SGCZ: variants seen among roughly 807,000 people sequenced by gnomAD.
SGCZ encodes the protein sarcoglycan zeta.
SGCZ carries 40 observed loss-of-function variants against 41.3 expected under a neutral mutation model. The ratio of observed to expected loss-of-function variants is 0.97; its 90% confidence interval spans 0.75 to 1.26. The LOEUF (loss-of-function observed/expected upper bound fraction) is 1.26, where lower values mean the gene tolerates loss of function less well. Among genes scored for constraint, SGCZ ranks in the 50% most tolerant of loss-of-function variants. The pLI, the probability that SGCZ is intolerant of heterozygous loss-of-function variation, is 0.00. For missense variants in SGCZ, 552 were observed against 369.8 expected (o/e 1.49, Z -4.04); for synonymous variants, 206 against 137.5 (o/e 1.50, Z -3.49).
intron 1 of SGCZ, among the ~76,000 whole-genome samples, chr8:14,777,416 T>C (rs1800439826): frequency 6.6e-6 from 1 of 152,202 alleles, no homozygotes; most frequent in Non-Finnish European, 1.5e-5. Context: ...TGATTTTAAA[T>C]GATTAACGCA....
At chr8:14,298,174 C>T (rs555354666) in intron 3 of SGCZ, among the ~76,000 whole-genome samples, 62 of 151,948 alleles carry the variant, frequency 4.1e-4, no homozygotes, top group Non-Finnish European at 8.0e-4. Context: ...ATGATAAATA[C>T]TTTCCGTTCA....
In SGCZ at chr8:15,163,220, G is replaced by A. The variant is rs150167738; in HGVS notation, c.39+74365C>T. Among the ~76,000 whole-genome samples the A allele has an allele frequency of 1.9e-3, 289 of 152,098 alleles. 1 individual carries two copies. Among genetic ancestry groups the A allele is most frequent in the African/African-American group, 6.5e-3 (271 of 41,468 alleles). ...ACTTATATAACATTTATCATGTGTCGGCCACCGTTTTAAACACTTTACAAG... is the reference window on the plus strand; with the variant it reads ...ACTTATATAACATTTATCATGTGTCAGCCACCGTTTTAAACACTTTACAAG... On this transcript the variant is annotated intron_variant, in intron 1 of 7. Transcript: ENST00000382080.
At chr8:14,344,287 T>C (rs2117086908) in intron 2 of SGCZ, among the ~76,000 whole-genome samples, 1 of 151,596 alleles carries the variant, frequency 6.6e-6, no homozygotes, top group Non-Finnish European at 1.5e-5. Flanking sequence ...ATTTAACAAA[T>C]AACTATCCAG....
intron 1 of SGCZ, among the ~76,000 whole-genome samples, chr8:14,924,676 G>A (rs530249926): frequency 7.5e-4 from 114 of 152,056 alleles, no homozygotes; most frequent in African/African-American, 2.7e-3. Flanking sequence ...CTATAAAAAT[G>A]AATTTCAGAA....
chr8:14,104,737 G>T (rs1200781274), intron 6 of SGCZ, among the ~76,000 whole-genome samples: 4 of 151,768 alleles, frequency 2.6e-5, no homozygotes, highest in African/African-American at 4.9e-5. Context: ...TATTAATGAT[G>T]TGTATTTATT....
rs1212698848 is a variant in SGCZ, at chr8:14,088,895, ACT to A, written c.*1546_*1547del. ...AGCTGTAGACACCTGAACTCCAAAG[ACT>A]CTACAGCCATTAATCCCCAAAAGGA... On this transcript the variant is annotated 3_prime_UTR_variant, in exon 8 of 8. Transcript: ENST00000382080. 7.2e-5 allele frequency among the ~76,000 whole-genome samples: 11 copies of A among 151,980 alleles called. No individual in the cohort carries two copies. In the South Asian group the frequency reaches 2.3e-3, roughly 31 times the overall value.
chr8:15,183,050 G>A (rs1057116766), intron 1 of SGCZ, among the ~76,000 whole-genome samples: 4 of 152,158 alleles, frequency 2.6e-5, no homozygotes, highest in African/African-American at 9.7e-5. Flanking sequence ...TTGTCCCACT[G>A]GAAACCCTTC....
At chr8:15,092,459 TAAC>T in intron 1 of SGCZ, among the ~76,000 whole-genome samples, 1 of 152,322 alleles carries the variant, frequency 6.6e-6, no homozygotes, top group Non-Finnish European at 1.5e-5. Flanking sequence ...GGAAAAATTT[TAAC>T]AACAGCTAGC....
chr8:14,442,079 G>A (rs1800287798), intron 2 of SGCZ, among the ~76,000 whole-genome samples: 1 of 152,136 alleles, frequency 6.6e-6, no homozygotes, highest in Non-Finnish European at 1.5e-5. Flanking sequence ...ACAAATTGCT[G>A]ACTTCATGCT....
chr8:15,007,084 G>A (rs530939414), intron 1 of SGCZ, among the ~76,000 whole-genome samples: 1 of 152,260 alleles, frequency 6.6e-6, no homozygotes, highest in East Asian at 1.9e-4. Context: ...AAAATTGAAG[G>A]ACTGAGTGAA....
chr8:14,556,276 A>T (rs925685913), intron 1 of SGCZ, among the ~76,000 whole-genome samples: 1 of 151,746 alleles, frequency 6.6e-6, no homozygotes, highest in African/African-American at 2.4e-5. Flanking sequence ...TTTTATACTT[A>T]TTAAATGACG....
chr8:14,261,117 C>T (rs868697273), intron 3 of SGCZ, among the ~76,000 whole-genome samples: 1 of 151,658 alleles, frequency 6.6e-6, no homozygotes, highest in Non-Finnish European at 1.5e-5. Context: ...AAAAAGAAAA[C>T]AAAAACACAT....
intron 1 of SGCZ, among the ~76,000 whole-genome samples, chr8:14,621,094 G>C (rs1253451945): frequency 1.3e-5 from 2 of 152,004 alleles, no homozygotes; most frequent in East Asian, 1.9e-4. Context: ...ATACACCATG[G>C]AATACTATGC....
intron 1 of SGCZ, among the ~76,000 whole-genome samples, chr8:14,928,308 C>T (rs761396146): frequency 4.6e-5 from 7 of 152,160 alleles, no homozygotes; most frequent in African/African-American, 9.7e-5. Context: ...TCATACTCAA[C>T]GTCAAATATG....
chr8:14,876,316 T>G (rs1244227653), intron 1 of SGCZ, among the ~76,000 whole-genome samples: 1 of 152,092 alleles, frequency 6.6e-6, no homozygotes, highest in Admixed American at 6.6e-5. Context: ...GAAAACAACA[T>G]AGCATTACAA....
chr8:14,470,232 T>C (rs763154675), intron 2 of SGCZ, among the ~76,000 whole-genome samples: 4 of 152,136 alleles, frequency 2.6e-5, no homozygotes, highest in Admixed American at 1.3e-4. Context: ...AATTTTTGTG[T>C]AAGAAAATAG....
At chr8:15,028,258 C>T (rs552168710) in intron 1 of SGCZ, among the ~76,000 whole-genome samples, 28 of 152,244 alleles carry the variant, frequency 1.8e-4, no homozygotes, top group African/African-American at 6.0e-4. Flanking sequence ...ATAGCAATTC[C>T]GTAGCTTTCG....
chr8:14,791,854 C>T (rs549325134), intron 1 of SGCZ, among the ~76,000 whole-genome samples: 19 of 152,288 alleles, frequency 1.2e-4, no homozygotes, highest in African/African-American at 4.3e-4. Context: ...ATAATAAACC[C>T]ATGGTCTGCT....
intron 5 of SGCZ, among the ~76,000 whole-genome samples, chr8:14,153,095 A>G (rs1427534353): frequency 6.6e-6 from 1 of 152,200 alleles, no homozygotes; most frequent in Non-Finnish European, 1.5e-5. Context: ...TCTGTGTCTT[A>G]ACTGGATCAA....
Sources: allele counts gnomAD v4.1 joint callset (sites outside exome capture counted in the v4.1 genomes callset), GRCh38; gene constraint gnomAD v4.1.1; transcripts MANE v1.5; gene names NCBI Gene and HGNC (gene_info 2026-07-23, HGNC 2026-07-21).